Variants in EIF3H observed in about 807,000 individuals in gnomAD.
The protein encoded by EIF3H is eIF-3-gamma.
In EIF3H, 26 loss-of-function variants were observed where a neutral mutation model predicts 44.2. The observed-to-expected ratio is 0.59, with a 90% CI of 0.43 to 0.82. The LOEUF (loss-of-function observed/expected upper bound fraction) is 0.82, where lower values mean the gene tolerates loss of function less well. Among genes scored for constraint, EIF3H ranks in the 40% least tolerant of loss-of-function variants. EIF3H has a pLI of 0.00. For missense variants in EIF3H, 359 were observed against 432.8 expected, an observed-to-expected ratio of 0.83 and a Z score of 1.51; for synonymous variants, 166 against 151.9, an observed-to-expected ratio of 1.09 and a Z score of -0.68.
chr8:116,719,336 C>T (rs148504004), intron 2 of EIF3H, among the ~76,000 whole-genome samples: 222 of 152,260 alleles, frequency 1.5e-3, no homozygotes, highest in African/African-American at 5.2e-3. Context: ...AGCCTGTCAT[C>T]TCACCAACTT....
intron 2 of EIF3H, among the ~76,000 whole-genome samples, chr8:116,722,941 G>T (rs554968781): frequency 3.9e-5 from 6 of 152,158 alleles, no homozygotes; most frequent in Admixed American, 3.3e-4. Context: ...AAAAAATAAA[G>T]TACATGTTCG....
At position 116,755,754 on chromosome 8, in the gene EIF3H, G is replaced by T; in HGVS notation, c.44C>A (p.Ser15Tyr). The change falls in exon 1 of 8, where the codon TCC (serine) becomes TAC (tyrosine). Residue 15 changes from serine (S) to tyrosine (Y), a missense_variant. Around this residue, in one of 5 missense-constraint regions of EIF3H, gnomAD observed 59 missense variants for 33.5 expected, o/e 1.76. Coordinates refer to ENST00000521861, the MANE Select transcript of EIF3H (RefSeq NM_003756.3). Reference protein sequence around the residue: ...KEGTGSTATSSSSTAGAAGKG... With the variant: ...KEGTGSTATSYSSTAGAAGKG... ...CCCTGCTGCGCCGGCGGTGGAGCTG[G>T]AAGAGGTGGCAGTAGAGCCGGTACC... 2 of 1,614,166 alleles carry T rather than the reference G, an allele frequency of 1.2e-6. No homozygotes were observed. The highest frequency in any genetic ancestry group is 8.5e-7 in the Non-Finnish European group (1 of 1,180,038).
chr8:116,654,763 C>A (rs1813459772), intron 5 of EIF3H, among the ~76,000 whole-genome samples: 1 of 152,140 alleles, frequency 6.6e-6, no homozygotes. Context: ...TTTCTAGTGG[C>A]CTTTGTGATC....
At chr8:116,648,415 T>C (rs572015943) in intron 6 of EIF3H, among the ~76,000 whole-genome samples, 1 of 152,336 alleles carries the variant, frequency 6.6e-6, no homozygotes, top group South Asian at 2.1e-4. Flanking sequence ...TTGCTCTTAA[T>C]CACAATTGCT....
chr8:116,743,706 C>T (rs1815168862), intron 1 of EIF3H, among the ~76,000 whole-genome samples: 1 of 148,818 alleles, frequency 6.7e-6, no homozygotes. Context: ...TGCAGCGAGC[C>T]GAGATCGCAC....
intron 1 of EIF3H, among the ~76,000 whole-genome samples, chr8:116,749,963 G>A (rs1308906816): frequency 6.6e-6 from 1 of 152,298 alleles, no homozygotes; most frequent in Non-Finnish European, 1.5e-5. Context: ...CTATCAATGT[G>A]CCAGGAAGGA....
intron 1 of EIF3H, among the ~76,000 whole-genome samples, chr8:116,728,173 GTTAA>G (rs1814884469): frequency 6.6e-6 from 1 of 152,146 alleles, no homozygotes; most frequent in South Asian, 2.1e-4. Context: ...CTAATGACCA[GTTAA>G]TAACAGCACA....
At chr8:116,657,506 C>G in intron 3 of EIF3H, 192 bp from the exon 4 acceptor site, 1 of 581,084 alleles carries the variant, frequency 1.7e-6, no homozygotes, top group Non-Finnish European at 3.0e-6. Flanking sequence ...GCAGGAATAC[C>G]TCTATCCTAC....
intron 2 of EIF3H, among the ~76,000 whole-genome samples, chr8:116,668,347 T>C (rs1055795921): frequency 1.3e-5 from 2 of 152,224 alleles, no homozygotes; most frequent in African/African-American, 2.4e-5. Flanking sequence ...GGTAACGGAA[T>C]TGTTCTCCAG....
chr8:116,654,796 G>C (rs183535946), intron 5 of EIF3H, among the ~76,000 whole-genome samples: 1 of 152,068 alleles, frequency 6.6e-6, no homozygotes, highest in South Asian at 2.1e-4. Flanking sequence ...GGAAGGCGGC[G>C]CTTCAACCAC....
At chr8:116,760,542 T>C (rs1259200370), upstream of EIF3H, among the ~76,000 whole-genome samples, 2 of 152,228 alleles carry the variant, frequency 1.3e-5, no homozygotes, top group Non-Finnish European at 2.9e-5. Context: ...TAAAATGACA[T>C]TGGACTTTTC....
At chr8:116,725,134 A>G (rs1341932014) in intron 2 of EIF3H, among the ~76,000 whole-genome samples, 2 of 152,236 alleles carry the variant, frequency 1.3e-5, no homozygotes, top group Non-Finnish European at 2.9e-5. Context: ...CATTGCTACA[A>G]CATGGATGAA....
At chr8:116,660,903 A>G (rs1422946297) in intron 2 of EIF3H, among the ~76,000 whole-genome samples, 1 of 152,208 alleles carries the variant, frequency 6.6e-6, no homozygotes, top group African/African-American at 2.4e-5. Flanking sequence ...ACCATTAAAA[A>G]CATCACTACC....
chr8:116,705,859 G>A (rs1291698771), intron 2 of EIF3H, among the ~76,000 whole-genome samples: 2 of 151,730 alleles, frequency 1.3e-5, no homozygotes, highest in African/African-American at 2.4e-5. Context: ...TATAAGATGG[G>A]AATATTAAGG....
At chr8:116,721,843 A>AC (rs969392401) in intron 2 of EIF3H, among the ~76,000 whole-genome samples, 1 of 152,176 alleles carries the variant, frequency 6.6e-6, no homozygotes, top group Non-Finnish European at 1.5e-5. Context: ...CAATGCCTGT[A>AC]CCCCCATCAT....
chr8:116,725,251 T>C (rs1353537006), intron 2 of EIF3H, among the ~76,000 whole-genome samples: 2 of 152,036 alleles, frequency 1.3e-5, no homozygotes, highest in Non-Finnish European at 2.9e-5. Context: ...AAACACAAAG[T>C]AGAATGGTGG....
intron 1 of EIF3H, among the ~76,000 whole-genome samples, chr8:116,743,716 C>A (rs987335756): frequency 2.7e-5 from 4 of 149,592 alleles, no homozygotes; most frequent in Non-Finnish European, 4.4e-5. Flanking sequence ...CGAGATCGCA[C>A]CACTGCACTC....
intron 4 of EIF3H, among the ~76,000 whole-genome samples, chr8:116,656,343 C>T (rs1315244541): frequency 1.3e-5 from 2 of 152,168 alleles, no homozygotes; most frequent in African/African-American, 4.8e-5. Context: ...CCTACACCTA[C>T]AACTTAATTT....
At chr8:116,674,222 AAG>A (rs918904249) in intron 2 of EIF3H, among the ~76,000 whole-genome samples, 2 of 151,122 alleles carry the variant, frequency 1.3e-5, no homozygotes, top group Admixed American at 6.6e-5. Context: ...AGAAGAAGGA[AAG>A]AGAGCTGGCA....
Sources: gnomAD v4.1 joint callset for allele counts (sites outside exome capture counted in the v4.1 genomes callset) on GRCh38, gnomAD v4.1.1 for gene constraint, gnomAD v4.1.1 regional missense constraint, MANE v1.5 for transcripts, NCBI Gene and HGNC (gene_info 2026-07-23, HGNC 2026-07-21) for gene names.